Variants in ANO3 observed in about 807,000 individuals in gnomAD.
ANO3 encodes the protein anoctamin 3.
A neutral mutation model predicts 144.8 loss-of-function variants in ANO3; 99 were observed. The ratio of observed to expected loss-of-function variants is 0.68; its 90% CI spans 0.58 to 0.81. ANO3 has a LOEUF of 0.81. Ranked by LOEUF, ANO3 falls within the 30% of genes least tolerant of loss-of-function variation. The pLI, the probability that ANO3 is intolerant of heterozygous loss-of-function variation, is 0.00. For synonymous variants in ANO3, 414 were observed against 392.6 expected (o/e 1.05, Z -0.64); for missense variants, 905 against 1,202.2 (o/e 0.75, Z 3.66).
intron 1 of ANO3, among the ~76,000 whole-genome samples, chr11:26,280,935 C>A (rs1168750646): frequency 6.6e-6 from 1 of 152,068 alleles, no homozygotes; most frequent in Non-Finnish European, 1.5e-5. Context: ...CTCCTGGGAG[C>A]CAGAGATCTG....
intron 1 of ANO3, among the ~76,000 whole-genome samples, chr11:26,294,737 T>C (rs1255989065): frequency 6.6e-6 from 1 of 152,200 alleles, no homozygotes; most frequent in Non-Finnish European, 1.5e-5. Context: ...CATTCTTCTT[T>C]GAAACTTTAA....
chr11:26,662,976 T>C lies in ANO3; in HGVS notation c.*2532T>C, dbSNP rs1173548103. 1 of 152,474 alleles carries C rather than the reference T, an allele frequency of 6.6e-6. No homozygotes were observed. The highest frequency in any genetic ancestry group is 1.5e-5 in the Non-Finnish European group (1 of 67,968). 9.4% of individuals were successfully genotyped at this position (152,474 alleles called of 1,614,324 possible). A position where few individuals can be genotyped will look rare whatever the true frequency, so the allele number is the denominator to read the frequency against. ...ATTACATGAATGCTGCTTATATATT[T>C]TCATATTCTAACTTGTCTTTTCAAG... On this transcript the variant is annotated 3_prime_UTR_variant, in exon 27 of 27. Coordinates refer to ENST00000256737, the MANE Select transcript of ANO3 (RefSeq NM_031418.4).
At chr11:26,300,636 A>G (rs1784774466) in intron 1 of ANO3, among the ~76,000 whole-genome samples, 1 of 152,188 alleles carries the variant, frequency 6.6e-6, no homozygotes, top group African/African-American at 2.4e-5. Context: ...ACAAACTTCT[A>G]GAAGTTTCCC....
intron 4 of ANO3, among the ~76,000 whole-genome samples, chr11:26,500,090 A>G (rs7929215): frequency 0.6 from 90,823 of 151,748 alleles, 27,867 homozygotes; most frequent in East Asian, 0.68. Context: ...GGGTTCTTTC[A>G]TTTAGTAACA....
intron 1 of ANO3, among the ~76,000 whole-genome samples, chr11:26,193,218 C>T (rs1238722310): frequency 3.3e-5 from 5 of 150,024 alleles, no homozygotes; most frequent in East Asian, 2.0e-4. Flanking sequence ...CTCGGCTCAC[C>T]GCAACCTCCA....
At chr11:26,559,870 ACAC>A in intron 14 of ANO3, 91 bp downstream of exon 14, 1 of 807,478 alleles carries the variant, frequency 1.2e-6, no homozygotes, top group Non-Finnish European at 2.0e-6. Flanking sequence ...ACACACACAC[ACAC>A]ACCATGAATC....
At chr11:26,228,211 G>T (rs1422083144) in intron 1 of ANO3, among the ~76,000 whole-genome samples, 3 of 152,202 alleles carry the variant, frequency 2.0e-5, no homozygotes, top group African/African-American at 7.2e-5. Flanking sequence ...AATGTCAAAT[G>T]TACTGCTCTG....
intron 25 of ANO3, 34 bp downstream of exon 25, chr11:26,656,239 C>T: frequency 6.3e-7 from 1 of 1,580,088 alleles, no homozygotes; most frequent in African/African-American, 1.3e-5. Context: ...TGCTTGCTTT[C>T]ACCATTCCAA....
At chr11:26,399,868 C>T (rs1215762177) in intron 1 of ANO3, among the ~76,000 whole-genome samples, 1 of 152,026 alleles carries the variant, frequency 6.6e-6, no homozygotes, top group Non-Finnish European at 1.5e-5. Flanking sequence ...ACGGTATAGA[C>T]TGCCTTCCTC....
At position 26,589,190 on chromosome 11, in the gene ANO3, A is replaced by G. The variant is rs79995025; in HGVS notation, c.1448-9175A>G. Among the ~76,000 whole-genome samples, 8 of 152,320 alleles carry G rather than the reference A, an allele frequency of 5.3e-5. No homozygotes were observed. The East Asian group carries it at 1.5e-3, about 29-fold the overall frequency. ...ATTGTCTGTGTCACAGCCAATTAGC[A>G]TCTTTGCTTCCAAAATCCACATGAT... On this transcript the variant is annotated intron_variant, in intron 14 of 26. Transcript: ENST00000256737.
chr11:26,273,116 T>A (rs1008586329), intron 1 of ANO3, among the ~76,000 whole-genome samples: 1 of 152,190 alleles, frequency 6.6e-6, no homozygotes, highest in Admixed American at 6.5e-5. Flanking sequence ...GTCTTTTCGT[T>A]GTATGACAAG....
At chr11:26,212,064 G>A (rs568879080) in intron 1 of ANO3, among the ~76,000 whole-genome samples, 1 of 152,026 alleles carries the variant, frequency 6.6e-6, no homozygotes, top group East Asian at 1.9e-4. Context: ...GTCAGGTGGT[G>A]GGGGGATAGG....
At chr11:26,474,519 TAGAA>T (rs1859891456) in intron 4 of ANO3, among the ~76,000 whole-genome samples, 1 of 151,988 alleles carries the variant, frequency 6.6e-6, no homozygotes, top group South Asian at 2.1e-4. Context: ...TTCATCAAAA[TAGAA>T]AGTCAGAAAA....
intron 24 of ANO3, among the ~76,000 whole-genome samples, chr11:26,654,343 G>C (rs1853619461): frequency 6.6e-6 from 1 of 151,920 alleles, no homozygotes. Flanking sequence ...GGCATTTTTA[G>C]ATTTATGCCC....
chr11:26,432,011 A>G (rs1858112230), intron 1 of ANO3, among the ~76,000 whole-genome samples: 1 of 151,950 alleles, frequency 6.6e-6, no homozygotes, highest in African/African-American at 2.4e-5. Context: ...GAACTAATTT[A>G]CTCTCCCACC....
chr11:26,560,495 T>C (rs1850244761), intron 14 of ANO3: 1 of 152,414 alleles, frequency 6.6e-6, no homozygotes. Context: ...GGGCTGATCA[T>C]GTGTGTGCTG....
intron 1 of ANO3, among the ~76,000 whole-genome samples, chr11:26,394,570 C>CTT (rs56118844): frequency 9.8e-4 from 113 of 115,726 alleles, no homozygotes; most frequent in South Asian, 6.5e-3. Context: ...ATTTCATTTT[C>CTT]TTTTTTTTTT....
intron 1 of ANO3, among the ~76,000 whole-genome samples, chr11:26,266,634 C>T (rs1337641641): frequency 1.3e-5 from 2 of 151,620 alleles, no homozygotes; most frequent in African/African-American, 4.8e-5. Flanking sequence ...AGGAGTTGAC[C>T]ATATTGACCA....
At chr11:26,581,402 G>C (rs2132858314) in intron 14 of ANO3, among the ~76,000 whole-genome samples, 1 of 149,958 alleles carries the variant, frequency 6.7e-6, no homozygotes, top group South Asian at 2.1e-4. Flanking sequence ...AAATACAAAA[G>C]GAGAAGGCCG....
Sources: gnomAD v4.1 joint callset for allele counts (sites outside exome capture counted in the v4.1 genomes callset) on GRCh38, gnomAD v4.1.1 for gene constraint, MANE v1.5 for transcripts, NCBI Gene and HGNC (gene_info 2026-07-23, HGNC 2026-07-21) for gene names.